CIB2: variants seen among roughly 807,000 people sequenced by gnomAD.
The protein encoded by CIB2 is calcium and integrin-binding family member 2.
Under a neutral mutation model 23.1 loss-of-function variants are expected in CIB2, and 19 were observed. The ratio of observed to expected loss-of-function variants is 0.82; its 90% CI spans 0.57 to 1.21. CIB2 has a LOEUF of 1.21. Ranked by LOEUF, CIB2 falls within the 50% of genes most tolerant of loss-of-function variation. The pLI is 0.00. For synonymous variants in CIB2, 94 were observed against 91.7 expected, an observed-to-expected ratio of 1.03 and a Z score of -0.14; for missense variants, 220 against 241.5, an observed-to-expected ratio of 0.91 and a Z score of 0.59.
intron 2 of CIB2, among the ~76,000 whole-genome samples, chr15:78,112,720 C>T (rs1225679071): frequency 3.3e-5 from 5 of 152,142 alleles, no homozygotes; most frequent in African/African-American, 7.2e-5. Flanking sequence ...AGGCTTGGGC[C>T]GGCCCTGCCA....
At chr15:78,126,866 A>G (rs867180550) in intron 1 of CIB2, among the ~76,000 whole-genome samples, 14 of 152,224 alleles carry the variant, frequency 9.2e-5, no homozygotes, top group Non-Finnish European at 5.9e-5. Context: ...ACTCACCCCA[A>G]GGAGGCAGTG....
intron 4 of CIB2, among the ~76,000 whole-genome samples, chr15:78,107,222 G>A (rs987001008): frequency 2.0e-5 from 3 of 152,026 alleles, no homozygotes; most frequent in East Asian, 1.9e-4. Flanking sequence ...TTGACAGAGC[G>A]AGACTCTATC....
chr15:78,115,420 C>T (rs1473420332), intron 2 of CIB2, among the ~76,000 whole-genome samples: 8 of 151,950 alleles, frequency 5.3e-5, no homozygotes, highest in Middle Eastern at 3.4e-3. Flanking sequence ...CGACCACACT[C>T]GGCTGATTTT....
intron 4 of CIB2, 43 bp downstream of exon 4, chr15:78,109,192 T>TTC: frequency 2.4e-6 from 3 of 1,241,542 alleles, no homozygotes; most frequent in Middle Eastern, 2.8e-4. Context: ...CCCCACATGT[T>TTC]CCCCCACCGC....
chr15:78,108,786 G>C (rs985999855), intron 4 of CIB2, among the ~76,000 whole-genome samples: 4 of 152,146 alleles, frequency 2.6e-5, no homozygotes, highest in African/African-American at 4.8e-5. Context: ...TCTGTGGCTG[G>C]CTCCCACAGC....
At chr15:78,105,527 T>G in intron 5 of CIB2, 195 bp from the exon 6 acceptor site, 1 of 1,482,372 alleles carries the variant, frequency 6.7e-7, no homozygotes, top group South Asian at 1.4e-5. Context: ...CTGCCCCCAC[T>G]TATCACTGAA....
At chr15:78,109,093 C>T in intron 4 of CIB2, 142 bp downstream of exon 4, 1 of 967,436 alleles carries the variant, frequency 1.0e-6, no homozygotes, top group Non-Finnish European at 1.5e-6. Flanking sequence ...GGCCACCCCA[C>T]TGGACAGGCA....
At chr15:78,119,648 C>T (rs546641668) in intron 2 of CIB2, among the ~76,000 whole-genome samples, 1 of 151,844 alleles carries the variant, frequency 6.6e-6, no homozygotes, top group South Asian at 2.1e-4. Context: ...CTCACTGCAA[C>T]CTCCGCCTCC....
intron 3 of CIB2, among the ~76,000 whole-genome samples, chr15:78,110,267 C>G (rs2074136519): frequency 6.6e-6 from 1 of 152,240 alleles, no homozygotes; most frequent in South Asian, 2.1e-4. Context: ...CCAGCCCAGG[C>G]CAGTGCGGGA....
chr15:78,130,734 A>G (rs2074442199), intron 1 of CIB2, among the ~76,000 whole-genome samples: 1 of 152,154 alleles, frequency 6.6e-6, no homozygotes, highest in Admixed American at 6.5e-5. Flanking sequence ...CTCCTAGACC[A>G]GACAGGACGC....
chr15:78,117,207 C>T (rs1257361902), intron 2 of CIB2, among the ~76,000 whole-genome samples: 1 of 110,402 alleles, frequency 9.1e-6, no homozygotes. Flanking sequence ...CAGCCCAATT[C>T]AAAAGTGTGT....
Position 78,104,742 on chromosome 15 carries a change from T to C in CIB2, c.*569A>G, listed in dbSNP as rs569398729. On this transcript the variant is annotated 3_prime_UTR_variant, in exon 6 of 6. Transcript: ENST00000258930. The surrounding 1 kb of genome is among the most constrained non-coding windows in gnomAD (Gnocchi z 4.4). ...GGTGTTGGGGAGGCAGGCAGGGTGG[T>C]ACTCATGACCCAGAGGCAGAGACAG... 1 of 158,296 alleles carries C rather than the reference T, an allele frequency of 6.3e-6. No homozygotes were observed. Among genetic ancestry groups the C allele is most frequent in the East Asian group, 1.8e-4 (1 of 5,412 alleles). 9.8% of individuals were successfully genotyped at this position (158,296 alleles called of 1,614,324 possible). A position where few individuals can be genotyped will look rare whatever the true frequency, so the allele number is the denominator to read the frequency against.
chr15:78,105,018 TG>T lies in CIB2; in HGVS notation c.*292del. 1 of 387,084 alleles carries T rather than the reference TG, an allele frequency of 2.6e-6. No individual in the cohort carries two copies. The highest frequency in any genetic ancestry group is 4.8e-6 in the Non-Finnish European group (1 of 209,694). The allele number at this position is 387,084 out of a possible 1,614,324, so 24.0% of individuals were successfully genotyped here. On this transcript the variant is annotated 3_prime_UTR_variant, in exon 6 of 6. Transcript: ENST00000258930. Reference sequence around the variant, plus strand: ...ATCTGCTTTTCCCTCTTTGGGGGGGTGGGGAGCATTTCTGGAGTAGGAAAGG... The same window carrying T: ...ATCTGCTTTTCCCTCTTTGGGGGGGTGGGAGCATTTCTGGAGTAGGAAAGG...
intron 2 of CIB2, chr15:78,120,474 C>G: frequency 1.1e-6 from 1 of 888,254 alleles, no homozygotes; most frequent in Non-Finnish European, 1.3e-6. Flanking sequence ...GGGTGGGCCT[C>G]TCTGTGTACC....
chr15:78,105,491 G>A (rs1017011685), intron 5 of CIB2, 159 bp from the exon 6 acceptor site: 67 of 1,511,832 alleles, frequency 4.4e-5, no homozygotes, highest in Middle Eastern at 2.4e-4. Context: ...GGGGGAAGAC[G>A]GAGGAACAGC....
At chr15:78,122,683 G>C (rs912507200) in intron 2 of CIB2, among the ~76,000 whole-genome samples, 1 of 152,238 alleles carries the variant, frequency 6.6e-6, no homozygotes, top group African/African-American at 2.4e-5. Context: ...AAGGTCAAAT[G>C]GTTGCCCAAG....
At position 78,109,291 on chromosome 15, in the gene CIB2, A is replaced by T; in HGVS notation, c.290T>A (p.Val97Glu). 1 of 1,610,634 alleles carries T rather than the reference A, an allele frequency of 6.2e-7. No homozygotes were observed. The highest frequency in any genetic ancestry group is 8.5e-7 in the Non-Finnish European group (1 of 1,178,346). The change falls in exon 4 of 6, where the codon GTG (valine) becomes GAG (glutamate). Residue 97 changes from valine to glutamate, a missense_variant. Transcript: ENST00000258930. ...TFNDFVDMFSVLCESAPRELK... is the reference protein window; with the variant it reads ...TFNDFVDMFSELCESAPRELK... ...CTCTCGGGGAGCCGACTCGCAGAGCACGGAAAACATGTCCACAAAGTCGTT... is the reference window on the plus strand; with the variant it reads ...CTCTCGGGGAGCCGACTCGCAGAGCTCGGAAAACATGTCCACAAAGTCGTT...
At chr15:78,107,212 T>G (rs7171958) in intron 4 of CIB2, among the ~76,000 whole-genome samples, 152,018 of 152,224 alleles carry the variant, frequency 1, 75,907 homozygotes, top group Middle Eastern at 1. Flanking sequence ...TCCAGCCTCG[T>G]TGACAGAGCG....
intron 4 of CIB2, among the ~76,000 whole-genome samples, chr15:78,107,568 G>C (rs2074090109): frequency 6.6e-6 from 1 of 152,156 alleles, no homozygotes; most frequent in Non-Finnish European, 1.5e-5. Flanking sequence ...GGCCCTGGCT[G>C]CCTCTCCCCA....
Sources: allele counts gnomAD v4.1 joint callset (sites outside exome capture counted in the v4.1 genomes callset), GRCh38; gene constraint gnomAD v4.1.1; non-coding constraint Gnocchi (gnomAD v3.1); transcripts MANE v1.5; gene names NCBI Gene and HGNC (gene_info 2026-07-23, HGNC 2026-07-21).